CFTR: variants seen among roughly 807,000 people sequenced by gnomAD.
CFTR encodes CF transmembrane conductance regulator.
Under a neutral mutation model 171.6 loss-of-function variants are expected in CFTR, and 181 were observed. The ratio of observed to expected loss-of-function variants is 1.05; its 90% confidence interval spans 0.93 to 1.19. The LOEUF is 1.19. Among genes scored for constraint, CFTR ranks in the 50% most tolerant of loss-of-function variants. The probability of loss-of-function intolerance (pLI) is 0.00; values close to 1 mark genes in which losing one functional copy is unlikely to be tolerated. For synonymous variants in CFTR, 583 were observed against 608.0 expected (o/e 0.96, Z 0.60); for missense variants, 1,968 against 1,734.7 (o/e 1.13, Z -2.39).
intron 1 of CFTR, among the ~76,000 whole-genome samples, chr7:117,483,620 C>T (rs959106790): frequency 2.0e-5 from 3 of 152,176 alleles, no homozygotes; most frequent in Non-Finnish European, 4.4e-5. Context: ...AGTGCAGTGA[C>T]ACAATCATAA....
At chr7:117,618,966 T>A (rs1374610058) in intron 21 of CFTR, among the ~76,000 whole-genome samples, 1 of 152,230 alleles carries the variant, frequency 6.6e-6, no homozygotes, top group African/African-American at 2.4e-5. Flanking sequence ...AGATTGTTTA[T>A]TTCTATTACT....
intron 3 of CFTR, among the ~76,000 whole-genome samples, chr7:117,529,593 T>A (rs1798822260): frequency 6.6e-6 from 1 of 151,834 alleles, no homozygotes; most frequent in East Asian, 1.9e-4. Context: ...AATAAAACAT[T>A]GTATATAAAG....
intron 5 of CFTR, among the ~76,000 whole-genome samples, chr7:117,534,881 C>T (rs1218013073): frequency 6.6e-6 from 1 of 152,024 alleles, no homozygotes; most frequent in Non-Finnish European, 1.5e-5. Context: ...GGATTAAGTC[C>T]CTGGAGAGAG....
chr7:117,642,089 T>C (rs1413783507), intron 22 of CFTR, among the ~76,000 whole-genome samples: 1 of 152,212 alleles, frequency 6.6e-6, no homozygotes, highest in Non-Finnish European at 1.5e-5. Flanking sequence ...GGCTTGAGCC[T>C]ATGTTTAGAG....
chr7:117,523,822 T>C (rs1365107226), intron 3 of CFTR, among the ~76,000 whole-genome samples: 1 of 152,198 alleles, frequency 6.6e-6, no homozygotes, highest in East Asian at 1.9e-4. Context: ...GAAAATATAA[T>C]GGAGAAATCC....
At chr7:117,643,502 C>G (rs1176027769) in intron 23 of CFTR, among the ~76,000 whole-genome samples, 1 of 152,072 alleles carries the variant, frequency 6.6e-6, no homozygotes, top group South Asian at 2.1e-4. Flanking sequence ...AACATTTGCT[C>G]CTTTCAACTA....
chr7:117,591,938 G>A lies in CFTR; in HGVS notation c.1771G>A (p.Val591Ile). 6.4e-7 allele frequency: 1 copy of A among 1,570,534 alleles called. No individual in the cohort carries two copies. Among genetic ancestry groups the A allele is most frequent in the Non-Finnish European group, 8.7e-7 (1 of 1,153,872 alleles). The change falls in exon 14 of 27, where the codon GTC becomes ATC. Residue 591 changes from valine (V) to isoleucine (I), a missense_variant. Physicochemically the swap from Val to Ile is conservative, Grantham distance 29. Coordinates refer to ENST00000003084, the MANE Select transcript of CFTR (RefSeq NM_000492.4). The part of the protein sequence containing the change: ...LTEKEIFESC[V>I]CKLMANKTRI... ...ATATGTTTTTATATCTTAAAGCTGT[G>A]TCTGTAAACTGATGGCTAACAAAAC...
intron 23 of CFTR, among the ~76,000 whole-genome samples, chr7:117,643,577 T>C (rs1310634147): frequency 6.6e-6 from 1 of 152,164 alleles, no homozygotes; most frequent in Non-Finnish European, 1.5e-5. Context: ...GACTTTGTCA[T>C]GTTGCCAGAA....
At position 117,606,671 on chromosome 7, in the gene CFTR, T is replaced by C; in HGVS notation, c.2909-3T>C. The C allele has an allele frequency of 6.7e-7, 1 of 1,494,108 alleles. No homozygotes were observed. Among genetic ancestry groups the C allele is most frequent in the South Asian group, 1.1e-5 (1 of 88,550 alleles). The allele number at this position is 1,494,108 out of a possible 1,614,324, so 92.6% of individuals were successfully genotyped here. A position where few individuals can be genotyped will look rare whatever the true frequency, so the allele number is the denominator to read the frequency against. On this transcript the variant is annotated splice_polypyrimidine_tract_variant and splice_region_variant and intron_variant, in intron 17 of 26. Coordinates refer to ENST00000003084, the MANE Select transcript of CFTR (RefSeq NM_000492.4). ...GAGGAATTTGTCATCTTGTATATTA[T>C]AGGTGGGATTCTTAATAGATTCTCC...
chr7:117,641,260 T>C (rs35294574), intron 22 of CFTR, among the ~76,000 whole-genome samples: 5,551 of 152,284 alleles, frequency 0.036, 140 homozygotes, highest in African/African-American at 0.047. Flanking sequence ...AGGGTTGTTA[T>C]GTACTCTAAA....
intron 24 of CFTR, among the ~76,000 whole-genome samples, chr7:117,657,089 T>C (rs933931688): frequency 6.6e-6 from 1 of 152,176 alleles, no homozygotes; most frequent in African/African-American, 2.4e-5. Context: ...GAATGCACTA[T>C]AGGAACACAA....
chr7:117,572,517 C>T, intron 11 of CFTR, among the ~76,000 whole-genome samples: 1 of 152,106 alleles, frequency 6.6e-6, no homozygotes, highest in East Asian at 1.9e-4. Context: ...TGATAGATAT[C>T]ATACAGGGCC....
rs188457893 is a variant in CFTR, at chr7:117,535,308, C to T, written c.640C>T (p.Leu214=). Residue 214 remains leucine, a synonymous_variant, in exon 6 of 27, where the codon CTA becomes TTA. Coordinates refer to ENST00000003084, the MANE Select transcript of CFTR (RefSeq NM_000492.4). ...TTTGCAAGTGGCACTCCTCATGGGG[C>T]TAATCTGGGAGTTGTTACAGGCGTC... ...APLQVALLMG[L]IWELLQASAF... The T allele has an allele frequency of 6.8e-6, 11 of 1,614,050 alleles. No homozygotes were observed. The Admixed American group carries it at 1.0e-4, about 15-fold the overall frequency.
chr7:117,585,862 G>C (rs1791925575), intron 11 of CFTR, among the ~76,000 whole-genome samples: 1 of 152,068 alleles, frequency 6.6e-6, no homozygotes, highest in African/African-American at 2.4e-5. Flanking sequence ...GCCCAGGCTG[G>C]TCTCAAACTT....
chr7:117,587,850 T>G lies in CFTR; in HGVS notation c.1679+17T>G. On this transcript the variant is annotated intron_variant, in intron 12 of 26. Coordinates refer to ENST00000003084, the MANE Select transcript of CFTR (RefSeq NM_000492.4). ...TTTAGCAAGGTGAATAACTAATTATTGGTCTAGCAAGCATTTGCTGTAAAT... is the reference window on the plus strand; with the variant it reads ...TTTAGCAAGGTGAATAACTAATTATGGGTCTAGCAAGCATTTGCTGTAAAT... The G allele has an allele frequency of 7.0e-7, 1 of 1,431,238 alleles. No individual in the cohort carries two copies. Among genetic ancestry groups the G allele is most frequent in the Non-Finnish European group, 9.9e-7 (1 of 1,013,520 alleles). 88.7% of individuals were successfully genotyped at this position (1,431,238 alleles called of 1,614,324 possible).
In CFTR at chr7:117,664,787, T is replaced by C; in HGVS notation, c.4063T>C (p.Cys1355Arg). 1 of 1,614,078 alleles carries C rather than the reference T, an allele frequency of 6.2e-7. No homozygotes were observed. Among genetic ancestry groups the C allele is most frequent in the East Asian group, 2.2e-5 (1 of 44,878 alleles). ...VLSHGHKQLM[C>R]LARSVLSKAK... ...AAGCCATGGCCACAAGCAGTTGATG[T>C]GCTTGGCTAGATCTGTTCTCAGTAA... Residue 1355 changes from cysteine to arginine, a missense_variant, in exon 25 of 27, where the codon TGC becomes CGC. Cys to Arg is a radical substitution (Grantham distance 180). Transcript: ENST00000003084.
intron 9 of CFTR, among the ~76,000 whole-genome samples, chr7:117,544,644 A>G (rs1040446837): frequency 4.6e-5 from 7 of 152,226 alleles, no homozygotes; most frequent in African/African-American, 1.7e-4. Context: ...TTCCTCCAGA[A>G]GCTTCAACAT....
At chr7:117,612,307 G>C (rs957909697) in intron 20 of CFTR, among the ~76,000 whole-genome samples, 1 of 147,744 alleles carries the variant, frequency 6.8e-6, no homozygotes, top group Non-Finnish European at 1.5e-5. Flanking sequence ...ATCTCTACTA[G>C]ATAAAATTTG....
Position 117,480,063 on chromosome 7 carries a change from GC to G in CFTR, c.-29del. The stretch of plus-strand genomic sequence containing the variant: ...GGCATTAGGAGCTTGAGCCCAGACG[GC>G]CCTAGCAGGGACCCCAGCGCCCGAG... On this transcript the variant is annotated 5_prime_UTR_variant, in exon 1 of 27. Coordinates refer to ENST00000003084, the MANE Select transcript of CFTR (RefSeq NM_000492.4). 6.2e-7 allele frequency: 1 copy of G among 1,611,312 alleles called. No homozygotes were observed. The highest frequency in any genetic ancestry group is 8.5e-7 in the Non-Finnish European group (1 of 1,177,680).
Sources: allele counts gnomAD v4.1 joint callset (sites outside exome capture counted in the v4.1 genomes callset), GRCh38; gene constraint gnomAD v4.1.1; transcripts MANE v1.5; gene names NCBI Gene and HGNC (gene_info 2026-07-23, HGNC 2026-07-21).